The following MYZAP variants were observed in gnomAD, a reference collection of about 807,000 sequenced individuals.
MYZAP encodes GRINL1A complex locus upstream.
MYZAP carries 66 observed loss-of-function variants against 69.4 expected under a neutral mutation model. The ratio of observed to expected loss-of-function variants is 0.95; its 90% CI spans 0.78 to 1.17. MYZAP has a LOEUF of 1.17. Among genes scored for constraint, MYZAP ranks in the 50% most tolerant of loss-of-function variants. The pLI is 0.00. For missense variants in MYZAP, 611 were observed against 556.2 expected, an observed-to-expected ratio of 1.10 and a Z score of -0.99; for synonymous variants, 256 against 205.9, an observed-to-expected ratio of 1.24 and a Z score of -2.09.
chr15:57,641,043 G>A (rs763437923), intron 10 of MYZAP, among the ~76,000 whole-genome samples: 2 of 152,146 alleles, frequency 1.3e-5, no homozygotes, highest in Non-Finnish European at 2.9e-5. Context: ...TCACACGCAC[G>A]AAGTCTGGGG....
chr15:57,683,340 C>T (rs931390313), intron 12 of MYZAP, among the ~76,000 whole-genome samples: 19 of 152,122 alleles, frequency 1.2e-4, no homozygotes, highest in South Asian at 4.1e-4. Flanking sequence ...CTGACTTTTC[C>T]GGGCCACAGA....
chr15:57,620,326 A>G (rs2035731188), intron 3 of MYZAP, among the ~76,000 whole-genome samples: 1 of 152,152 alleles, frequency 6.6e-6, no homozygotes, highest in Non-Finnish European at 1.5e-5. Context: ...AAGCCTTCCA[A>G]TACTATGTCC....
At chr15:57,620,191 T>C (rs887092641) in intron 3 of MYZAP, among the ~76,000 whole-genome samples, 1 of 152,220 alleles carries the variant, frequency 6.6e-6, no homozygotes, top group African/African-American at 2.4e-5. Context: ...GAAAGTAGAC[T>C]CTATTTTTAG....
chr15:57,604,366 T>C lies in MYZAP; in HGVS notation c.162+11T>C, dbSNP rs2034605086. The C allele has an allele frequency of 6.2e-7, 1 of 1,613,950 alleles. No homozygotes were observed. Among genetic ancestry groups the C allele is most frequent in the Admixed American group, 1.7e-5 (1 of 60,010 alleles). Reference sequence around the variant, plus strand: ...GAGAGAAAAGAGCAGGTAAGGTATCTCCGAGGCAAAGCCCCAACAAGTTCC... The same window carrying C: ...GAGAGAAAAGAGCAGGTAAGGTATCCCCGAGGCAAAGCCCCAACAAGTTCC... On this transcript the variant is annotated intron_variant, in intron 2 of 12. Transcript: ENST00000267853.
At chr15:57,609,412 G>T (rs1452007900) in intron 2 of MYZAP, among the ~76,000 whole-genome samples, 2 of 152,214 alleles carry the variant, frequency 1.3e-5, no homozygotes, top group African/African-American at 4.8e-5. Flanking sequence ...TCCAGCTGCT[G>T]GTAGCTCTTG....
intron 5 of MYZAP, among the ~76,000 whole-genome samples, chr15:57,627,721 C>T (rs1315105509): frequency 6.6e-5 from 10 of 151,910 alleles, no homozygotes; most frequent in African/African-American, 1.2e-4. Context: ...AAACTGAGGC[C>T]GACAGAGAGA....
chr15:57,643,134 C>T lies in MYZAP; in HGVS notation c.1119+3589C>T, dbSNP rs530069931. Among the ~76,000 whole-genome samples the T allele has an allele frequency of 6.6e-5, 10 of 152,236 alleles. No homozygotes were observed. In the South Asian group the frequency reaches 1.0e-3, roughly 16 times the overall value. ...AGAGAACAAAGCCAAAAAAGCCCCA[C>T]GTGTGCCTCTTATAGCCGGAAAATA... On this transcript the variant is annotated intron_variant, in intron 10 of 12. Transcript: ENST00000267853.
chr15:57,625,264 G>T (rs1470575984), intron 4 of MYZAP, among the ~76,000 whole-genome samples: 1 of 152,080 alleles, frequency 6.6e-6, no homozygotes, highest in Non-Finnish European at 1.5e-5. Flanking sequence ...AGTAGAGATG[G>T]AGTTTCACCA....
chr15:57,601,152 TC>T, intron 1 of MYZAP, among the ~76,000 whole-genome samples: 1 of 152,298 alleles, frequency 6.6e-6, no homozygotes, highest in South Asian at 2.1e-4. Flanking sequence ...TCTCCCTTTA[TC>T]CCATTTTACC....
intron 2 of MYZAP, among the ~76,000 whole-genome samples, chr15:57,606,249 G>A (rs527642643): frequency 1.3e-5 from 2 of 152,254 alleles, no homozygotes; most frequent in African/African-American, 2.4e-5. Flanking sequence ...ATAGTGGAAC[G>A]AGCTGATGTT....
rs752686523 is a variant in MYZAP at position 57,618,212 on chromosome 15, C to T, written c.318+24C>T. 1.3e-5 allele frequency: 21 copies of T among 1,609,300 alleles called. No homozygotes were observed. In the African/African-American group the frequency reaches 2.8e-4, roughly 22 times the overall value. On this transcript the variant is annotated intron_variant, in intron 3 of 12. Transcript: ENST00000267853. ...ATGTGAGCCATTTAAGAGTTTTTGC[C>T]CCCCACCTGTATTCTTTTTGTAGCA...
At chr15:57,610,277 T>C (rs9920598) in intron 2 of MYZAP, among the ~76,000 whole-genome samples, 1,922 of 152,300 alleles carry the variant, frequency 0.013, 40 homozygotes, top group African/African-American at 0.045. Flanking sequence ...CAATAAAATG[T>C]TGAAAAGGAG....
intron 1 of MYZAP, among the ~76,000 whole-genome samples, chr15:57,592,821 G>A (rs1421365060): frequency 1.3e-5 from 2 of 152,088 alleles, no homozygotes; most frequent in South Asian, 2.1e-4. Context: ...TTTCTAACAC[G>A]GTCAGCACCT....
intron 1 of MYZAP, among the ~76,000 whole-genome samples, chr15:57,596,851 G>T (rs1308506596): frequency 2.0e-5 from 3 of 152,150 alleles, no homozygotes; most frequent in African/African-American, 7.2e-5. Context: ...CCTCTAGGAA[G>T]CCTGCCCTGA....
intron 10 of MYZAP, among the ~76,000 whole-genome samples, chr15:57,657,877 A>G (rs2038083034): frequency 6.6e-6 from 1 of 152,190 alleles, no homozygotes; most frequent in African/African-American, 2.4e-5. Flanking sequence ...GCAACACAGG[A>G]GAGGAGCTGC....
At chr15:57,631,546 C>T (rs1320848835) in intron 6 of MYZAP, among the ~76,000 whole-genome samples, 2 of 152,116 alleles carry the variant, frequency 1.3e-5, no homozygotes, top group Admixed American at 6.5e-5. Context: ...GGACAGAGCC[C>T]TTCCAGCAAG....
intron 10 of MYZAP, chr15:57,646,470 A>G: frequency 9.7e-7 from 1 of 1,035,176 alleles, no homozygotes; most frequent in African/African-American, 1.7e-5. Context: ...TAGACATTGA[A>G]GAAGGAACTG....
intron 10 of MYZAP, among the ~76,000 whole-genome samples, chr15:57,652,626 G>T (rs566888569): frequency 1.3e-5 from 2 of 152,242 alleles, no homozygotes; most frequent in Admixed American, 6.5e-5. Context: ...TTTGTTAAGA[G>T]AATTGGAAAC....
At chr15:57,629,146 G>A (rs2036345126) in intron 5 of MYZAP, among the ~76,000 whole-genome samples, 1 of 148,458 alleles carries the variant, frequency 6.7e-6, no homozygotes. Flanking sequence ...ATTCTATAAA[G>A]CTCGTATTTT....
Sources: gnomAD v4.1 joint callset for allele counts (sites outside exome capture counted in the v4.1 genomes callset) on GRCh38, gnomAD v4.1.1 for gene constraint, MANE v1.5 for transcripts, NCBI Gene and HGNC (gene_info 2026-07-23, HGNC 2026-07-21) for gene names.